The following SHQ1 variants were observed in gnomAD, a reference collection of about 807,000 sequenced individuals.
SHQ1 encodes the protein SHQ1, H/ACA ribonucleoprotein assembly factor.
A neutral mutation model predicts 53.8 loss-of-function variants in SHQ1; 49 were observed. The observed-to-expected ratio is 0.91, with a 90% CI of 0.72 to 1.16. The LOEUF is 1.16. Ranked by LOEUF, SHQ1 falls within the 50% of genes most tolerant of loss-of-function variation. SHQ1 has a pLI of 0.00. For synonymous variants in SHQ1, 243 were observed against 251.0 expected (o/e 0.97, Z 0.30); for missense variants, 738 against 683.1 (o/e 1.08, Z -0.90).
At chr3:72,820,055 T>A (rs1707431136) in intron 6 of SHQ1, among the ~76,000 whole-genome samples, 1 of 152,204 alleles carries the variant, frequency 6.6e-6, no homozygotes, top group Admixed American at 6.5e-5. Flanking sequence ...CTTTATATCC[T>A]AGTTGACTAA....
downstream of SHQ1, among the ~76,000 whole-genome samples, chr3:72,744,759 A>G (rs1354141866): frequency 6.6e-6 from 1 of 152,200 alleles, no homozygotes; most frequent in African/African-American, 2.4e-5. Flanking sequence ...GATCACAAAA[A>G]TTCCATCAGG....
At chr3:72,772,925 T>C in intron 10 of SHQ1, 1 of 849,818 alleles carries the variant, frequency 1.2e-6, no homozygotes, top group Admixed American at 1.8e-5. Context: ...TGGGAGTTAT[T>C]TGACCAGCAT....
chr3:72,792,293 T>C (rs1346343677), intron 10 of SHQ1, among the ~76,000 whole-genome samples: 2 of 152,260 alleles, frequency 1.3e-5, no homozygotes, highest in South Asian at 2.1e-4. Flanking sequence ...GATTTCATAC[T>C]GGACAGTCAA....
At chr3:72,815,230 C>T (rs574487495) in intron 8 of SHQ1, 120 bp downstream of exon 8, 2 of 783,442 alleles carry the variant, frequency 2.6e-6, no homozygotes, top group East Asian at 2.5e-5. Flanking sequence ...CATACTTGTA[C>T]AATAGAGCTT....
intron 10 of SHQ1, among the ~76,000 whole-genome samples, chr3:72,772,171 G>A (rs1349829430): frequency 2.0e-5 from 3 of 151,264 alleles, no homozygotes; most frequent in South Asian, 2.1e-4. Flanking sequence ...GTCAGAAAAA[G>A]CTTAAAGCAA....
At chr3:72,729,936 G>A in the SHQ1 span, among the ~76,000 whole-genome samples, 59 of 151,814 alleles carry the variant, frequency 3.9e-4, no homozygotes, top group Middle Eastern at 3.4e-3. Context: ...CTCCTGCCTC[G>A]GCCTCCCGAG....
At chr3:72,840,594 G>C (rs1227252710) in intron 4 of SHQ1, among the ~76,000 whole-genome samples, 1 of 151,060 alleles carries the variant, frequency 6.6e-6, no homozygotes, top group African/African-American at 2.4e-5. Context: ...AGAAAATGGT[G>C]CCTACTATAC....
chr3:72,822,684 A>C (rs1340097916), intron 6 of SHQ1, among the ~76,000 whole-genome samples: 1 of 152,212 alleles, frequency 6.6e-6, no homozygotes, highest in Non-Finnish European at 1.5e-5. Context: ...AAGTTTGTTC[A>C]AACTTCATGA....
chr3:72,764,123 A>C (rs1705668011), intron 10 of SHQ1, among the ~76,000 whole-genome samples: 1 of 152,124 alleles, frequency 6.6e-6, no homozygotes, highest in African/African-American at 2.4e-5. Context: ...CTCCAAGCCC[A>C]AAATGCTATG....
intron 10 of SHQ1, among the ~76,000 whole-genome samples, chr3:72,781,517 T>C (rs1438696956): frequency 6.6e-6 from 1 of 152,176 alleles, no homozygotes; most frequent in Non-Finnish European, 1.5e-5. Flanking sequence ...ACACTACAAA[T>C]GCAGTTTTTC....
At chr3:72,747,758 C>T (rs185930261), downstream of SHQ1, among the ~76,000 whole-genome samples, 3 of 152,108 alleles carry the variant, frequency 2.0e-5, no homozygotes, top group African/African-American at 2.4e-5. Flanking sequence ...GAGTCTAAGG[C>T]GGGTGGATCA....
chr3:72,789,296 G>A (rs1706361982), intron 10 of SHQ1, among the ~76,000 whole-genome samples: 1 of 152,132 alleles, frequency 6.6e-6, no homozygotes, highest in African/African-American at 2.4e-5. Context: ...CCAACTATTT[G>A]AATGCAAGGA....
the SHQ1 span, among the ~76,000 whole-genome samples, chr3:72,725,816 C>T: frequency 1.3e-5 from 2 of 152,290 alleles, no homozygotes; most frequent in East Asian, 3.9e-4. Context: ...TGTTTTACTG[C>T]TCTTTGTCTG....
intron 6 of SHQ1, among the ~76,000 whole-genome samples, chr3:72,823,381 T>C (rs1359702795): frequency 1.3e-5 from 2 of 152,178 alleles, no homozygotes; most frequent in African/African-American, 4.8e-5. Flanking sequence ...TAACAGGCTA[T>C]TGCATTGATA....
intron 10 of SHQ1, among the ~76,000 whole-genome samples, chr3:72,751,692 T>A (rs1559657586): frequency 6.6e-6 from 1 of 151,342 alleles, no homozygotes; most frequent in African/African-American, 2.4e-5. Context: ...TCCAGTCAAA[T>A]AAGAGACATA....
intron 10 of SHQ1, among the ~76,000 whole-genome samples, chr3:72,766,167 C>T (rs1261397399): frequency 6.6e-6 from 1 of 152,120 alleles, no homozygotes; most frequent in East Asian, 1.9e-4. Flanking sequence ...TGGGACCTAG[C>T]TTATTCCTGT....
At chr3:72,794,749 A>G (rs574644360) in intron 9 of SHQ1, 35 of 152,106 alleles carry the variant, frequency 2.3e-4, no homozygotes, top group African/African-American at 8.2e-4. Flanking sequence ...TCCCTTCTCC[A>G]TGTGACCTAG....
At chr3:72,793,435 A>C (rs1053961079) in intron 9 of SHQ1, 2 of 146,868 alleles carry the variant, frequency 1.4e-5, no homozygotes, top group Non-Finnish European at 3.0e-5. Flanking sequence ...TGAACTGGGG[A>C]GGTGGAGCTT....
At chr3:72,763,835 T>C (rs962443763) in intron 10 of SHQ1, among the ~76,000 whole-genome samples, 4 of 152,204 alleles carry the variant, frequency 2.6e-5, no homozygotes, top group African/African-American at 9.6e-5. Context: ...GATTTTGGAA[T>C]TCTAGCCTCT....
Sources: allele counts gnomAD v4.1 joint callset (sites outside exome capture counted in the v4.1 genomes callset), GRCh38; gene constraint gnomAD v4.1.1; transcripts MANE v1.5; gene names NCBI Gene and HGNC (gene_info 2026-07-23, HGNC 2026-07-21).